The following CUX2 variants were observed in gnomAD, a reference collection of about 807,000 sequenced individuals.
CUX2 encodes the protein cut like homeobox 2.
Under a neutral mutation model 144.8 loss-of-function variants are expected in CUX2, and 40 were observed. The observed-to-expected ratio is 0.28, with a 90% CI of 0.21 to 0.36. The LOEUF (loss-of-function observed/expected upper bound fraction) is 0.36. Among genes scored for constraint, CUX2 ranks in the 10% least tolerant of loss-of-function variants. The pLI, the probability that CUX2 is intolerant of heterozygous loss-of-function variation, is 1.00. For missense variants in CUX2, 1,615 were observed against 1,994.0 expected, an observed-to-expected ratio of 0.81 and a Z score of 3.62; for synonymous variants, 827 against 875.6, an observed-to-expected ratio of 0.94 and a Z score of 0.98.
chr12:111,103,605 C>G (rs566226152), intron 1 of CUX2, among the ~76,000 whole-genome samples: 1 of 152,312 alleles, frequency 6.6e-6, no homozygotes, highest in African/African-American at 2.4e-5. Flanking sequence ...GCATGAATCT[C>G]AAATAGACTT....
chr12:111,319,997 TC>T lies in CUX2; in HGVS notation c.2003-10del. The T allele has an allele frequency of 6.7e-7, 1 of 1,488,294 alleles. No individual in the cohort carries two copies. The highest frequency in any genetic ancestry group is 8.9e-7 in the Non-Finnish European group (1 of 1,126,118). The allele number at this position is 1,488,294 out of a possible 1,614,324, so 92.2% of individuals were successfully genotyped here. A position where few individuals can be genotyped will look rare whatever the true frequency, so the allele number is the denominator to read the frequency against. On this transcript the variant is annotated splice_polypyrimidine_tract_variant and intron_variant, in intron 16 of 21. Transcript: ENST00000261726. ...TGACCCTGGGCCTCGGGCCGTCCTG[TC>T]CCCCTCCCCGCAGGCGAGCCCAAGA...
chr12:111,257,646 C>T lies in CUX2; in HGVS notation c.223-6115C>T, dbSNP rs537345582. Reference sequence around the variant, plus strand: ...CCTGCTCTTCCTCCTCCCTCTTCCTCCTCCTTCCTCCTCCTCCCTCTTCCC... The same window carrying T: ...CCTGCTCTTCCTCCTCCCTCTTCCTTCTCCTTCCTCCTCCTCCCTCTTCCC... On this transcript the variant is annotated intron_variant, in intron 3 of 21. Transcript: ENST00000261726. Among the ~76,000 whole-genome samples the T allele has an allele frequency of 6.7e-4, 85 of 127,174 alleles. 1 individual carries two copies. The highest frequency in any genetic ancestry group is 2.5e-3 in the African/African-American group (82 of 32,330). 83.4% of individuals were successfully genotyped at this position (127,174 alleles called of 152,430 possible). A position where few individuals can be genotyped will look rare whatever the true frequency, so the allele number is the denominator to read the frequency against.
At chr12:111,162,905 G>A (rs375987237) in intron 1 of CUX2, among the ~76,000 whole-genome samples, 6 of 152,116 alleles carry the variant, frequency 3.9e-5, no homozygotes, top group Admixed American at 6.5e-5. Context: ...ACCTAGCCAG[G>A]CATGATGGCA....
At chr12:111,324,873 T>C (rs550598588) in intron 18 of CUX2, among the ~76,000 whole-genome samples, 8 of 152,178 alleles carry the variant, frequency 5.3e-5, no homozygotes, top group African/African-American at 1.9e-4. Context: ...ATTACGGTGA[T>C]GGGTGGAAGG....
At chr12:111,099,419 T>C (rs1287090208) in intron 1 of CUX2, 2 of 390,140 alleles carry the variant, frequency 5.1e-6, no homozygotes, top group Non-Finnish European at 1.0e-5. Context: ...TTATGTGGTT[T>C]CTCTTCTTCC....
chr12:111,122,793 A>G (rs960996885), intron 1 of CUX2, among the ~76,000 whole-genome samples: 35 of 152,204 alleles, frequency 2.3e-4, no homozygotes, highest in Admixed American at 2.1e-3. Flanking sequence ...GATATTTGAT[A>G]TGGGGACACA....
At chr12:111,253,875 GT>G in intron 3 of CUX2, among the ~76,000 whole-genome samples, 1 of 149,980 alleles carries the variant, frequency 6.7e-6, no homozygotes, top group East Asian at 2.0e-4. Flanking sequence ...AGTAGTTGTG[GT>G]TTTTGCCATT....
At chr12:111,341,376 G>A (rs1888566223) in intron 20 of CUX2, among the ~76,000 whole-genome samples, 1 of 152,114 alleles carries the variant, frequency 6.6e-6, no homozygotes, top group Admixed American at 6.6e-5. Flanking sequence ...CAGGAGGATT[G>A]CCTGAGCCTA....
At chr12:111,091,689 C>A (rs903144691) in intron 1 of CUX2, among the ~76,000 whole-genome samples, 2 of 152,218 alleles carry the variant, frequency 1.3e-5, no homozygotes, top group African/African-American at 4.8e-5. Flanking sequence ...TCTCGTGGTT[C>A]TGGAGGCCAG....
intron 1 of CUX2, among the ~76,000 whole-genome samples, chr12:111,084,731 G>A (rs1265573260): frequency 2.0e-5 from 3 of 152,214 alleles, no homozygotes; most frequent in Admixed American, 6.5e-5. Flanking sequence ...AAGCAAAATG[G>A]TATGAGAGTG....
intron 3 of CUX2, among the ~76,000 whole-genome samples, chr12:111,260,957 C>T (rs1884092537): frequency 1.3e-5 from 2 of 152,204 alleles, no homozygotes; most frequent in African/African-American, 4.8e-5. Flanking sequence ...AGATGAATTG[C>T]TTTTGTTTCT....
chr12:111,220,676 G>A (rs1268223900), intron 3 of CUX2, among the ~76,000 whole-genome samples: 2 of 132,662 alleles, frequency 1.5e-5, no homozygotes, highest in Admixed American at 8.9e-5. Context: ...GGAGGCTAAG[G>A]TAGGAGGATC....
At chr12:111,158,529 T>A (rs1454558542) in intron 1 of CUX2, among the ~76,000 whole-genome samples, 1 of 146,218 alleles carries the variant, frequency 6.8e-6, no homozygotes, top group African/African-American at 2.5e-5. Flanking sequence ...TATGCCATTG[T>A]GTGAGTGGGC....
rs935017279 is a variant in CUX2, at chr12:111,312,951, C to T, written c.2002+750C>T. 2.6e-5 allele frequency among the ~76,000 whole-genome samples: 4 copies of T among 152,210 alleles called. No homozygotes were observed. The highest frequency in any genetic ancestry group is 7.2e-5 in the African/African-American group (3 of 41,460). On this transcript the variant is annotated intron_variant, in intron 16 of 21. Transcript: ENST00000261726. The surrounding 1 kb of genome is among the most constrained non-coding windows in gnomAD (Gnocchi z 4.3). ...GACACTGCACCCGCTTCCCTCCACC[C>T]CCACCACAGTGACCTGTTTGCTTGG...
intron 1 of CUX2, among the ~76,000 whole-genome samples, chr12:111,044,664 T>C (rs1869913237): frequency 6.6e-6 from 1 of 152,238 alleles, no homozygotes; most frequent in South Asian, 2.1e-4. Context: ...TTGTTTACTG[T>C]CTGCCTCCCT....
chr12:111,067,374 T>A (rs1250674044), intron 1 of CUX2, among the ~76,000 whole-genome samples: 3 of 152,102 alleles, frequency 2.0e-5, no homozygotes, highest in African/African-American at 7.2e-5. Flanking sequence ...AGGAAGGAAG[T>A]CTAGAGCCGC....
chr12:111,113,124 C>T (rs188680934), intron 1 of CUX2, among the ~76,000 whole-genome samples: 12 of 152,110 alleles, frequency 7.9e-5, no homozygotes, highest in East Asian at 3.9e-4. Context: ...CCTGGAGCCC[C>T]GAAGTTAATA....
chr12:111,320,263 G>A lies in CUX2; in HGVS notation c.2254G>A (p.Gly752Arg), dbSNP rs775701742. Residue 752 changes from glycine (G) to arginine (R), a missense_variant, in exon 17 of 22, where the codon GGG becomes AGG. This residue lies in a region of CUX2 where 390 missense variants were observed against 387.1 expected (regional missense o/e 1.01). Coordinates refer to ENST00000261726, the MANE Select transcript of CUX2 (RefSeq NM_015267.4). This position sits in a 1 kb window ranked among gnomAD's most constrained non-coding sequence, Gnocchi z 8.1. ...CTTGGTGAAGCAGGAGGAGGGCAGC[G>A]GGGGCCCCGCGCAGGCGCCGCTCCC... Reference protein sequence around the residue: ...PALVKQEEGSGGPAQAPLPVL... With the variant: ...PALVKQEEGSRGPAQAPLPVL... The A allele has an allele frequency of 3.1e-6, 5 of 1,591,050 alleles. No individual in the cohort carries two copies. The highest frequency in any genetic ancestry group is 4.3e-6 in the Non-Finnish European group (5 of 1,176,100).
rs1025776333 is a variant in CUX2, at chr12:111,200,366, A to AT, written c.64-13824dup. On this transcript the variant is annotated intron_variant, in intron 1 of 21. Transcript: ENST00000261726. ...ATAAAATGTAGAAAGATAAAATGGG[A>AT]TTTTTTTTTTAGGTTGTGTTTTTCT... 5.8e-4 allele frequency among the ~76,000 whole-genome samples: 86 copies of AT among 148,918 alleles called. No individual in the cohort carries two copies. The South Asian group carries it at 6.9e-3, about 12-fold the overall frequency.
Sources: gnomAD v4.1 joint callset for allele counts (sites outside exome capture counted in the v4.1 genomes callset) on GRCh38, gnomAD v4.1.1 for gene constraint, gnomAD v4.1.1 regional missense constraint, Gnocchi (gnomAD v3.1) non-coding constraint, MANE v1.5 for transcripts, NCBI Gene and HGNC (gene_info 2026-07-23, HGNC 2026-07-21) for gene names.